KCNMA1: variants seen among roughly 807,000 people sequenced by gnomAD.
KCNMA1 encodes Calcium-activated potassium channel subunit alpha-1.
In KCNMA1, 29 loss-of-function variants were observed where a neutral mutation model predicts 140.0. The observed-to-expected ratio is 0.21, with a 90% confidence interval of 0.15 to 0.28. The LOEUF (loss-of-function observed/expected upper bound fraction) is 0.28. Ranked by LOEUF, KCNMA1 falls within the 10% of genes least tolerant of loss-of-function variation. The probability of loss-of-function intolerance (pLI) is 1.00; values close to 1 mark genes in which losing one functional copy is unlikely to be tolerated. For missense variants in KCNMA1, 880 were observed against 1,602.2 expected (o/e 0.55, Z 7.70); for synonymous variants, 612 against 611.9 (o/e 1.00, Z 0.00).
intron 1 of KCNMA1, among the ~76,000 whole-genome samples, chr10:77,595,791 G>C (rs2080758094): frequency 6.6e-6 from 1 of 152,144 alleles, no homozygotes; most frequent in African/African-American, 2.4e-5. Context: ...TGGGACTACA[G>C]GTGCGCGCCA....
chr10:76,915,371 A>G (rs1398570464), intron 23 of KCNMA1, among the ~76,000 whole-genome samples: 1 of 152,124 alleles, frequency 6.6e-6, no homozygotes, highest in Non-Finnish European at 1.5e-5. Flanking sequence ...CCTTGAAGTT[A>G]GGTATGGCCA....
At chr10:76,882,264 C>T (rs998236525), downstream of KCNMA1, among the ~76,000 whole-genome samples, 1 of 152,276 alleles carries the variant, frequency 6.6e-6, no homozygotes, top group Non-Finnish European at 1.5e-5. Flanking sequence ...ACAGCAAAAG[C>T]ATTTGGAATA....
intron 1 of KCNMA1, among the ~76,000 whole-genome samples, chr10:77,561,128 CT>C (rs5786297): frequency 0.54 from 81,640 of 150,314 alleles, 22,392 homozygotes; most frequent in South Asian, 0.72. Flanking sequence ...AAAAATACAA[CT>C]TTTTTTTTTT....
intron 5 of KCNMA1, among the ~76,000 whole-genome samples, chr10:77,131,824 G>T (rs771443187): frequency 4.6e-5 from 7 of 151,914 alleles, no homozygotes; most frequent in Non-Finnish European, 8.8e-5. Flanking sequence ...AATTAGCTGG[G>T]CATGGAGGCA....
chr10:77,630,286 G>T (rs1252521391), intron 1 of KCNMA1, among the ~76,000 whole-genome samples: 2 of 152,184 alleles, frequency 1.3e-5, no homozygotes, highest in Non-Finnish European at 2.9e-5. Context: ...TTTGCAAGGA[G>T]GTAGTTTGGC....
chr10:77,433,441 C>T (rs1010967020), intron 1 of KCNMA1: 1 of 152,246 alleles, frequency 6.6e-6, no homozygotes, highest in Non-Finnish European at 1.5e-5. Flanking sequence ...GCATGAGCCA[C>T]TGTGCCCAGC....
Position 77,245,464 on chromosome 10 carries a change from C to T in KCNMA1, c.602+5731G>A, listed in dbSNP as rs143995205. ...CACAGGAGAGGCAGTGGGTCTACAC[C>T]TGTGCCTAGTCAGTTTGAACAAGGC... On this transcript the variant is annotated intron_variant, in intron 3 of 27. Transcript: ENST00000286628. Among the ~76,000 whole-genome samples, 72 of 152,306 alleles carry T rather than the reference C, an allele frequency of 4.7e-4. 1 individual carries two copies. The East Asian group carries it at 0.012, about 25-fold the overall frequency.
intron 1 of KCNMA1, among the ~76,000 whole-genome samples, chr10:77,436,511 T>C (rs1043333760): frequency 6.6e-6 from 1 of 152,206 alleles, no homozygotes; most frequent in Non-Finnish European, 1.5e-5. Flanking sequence ...CTCTGCACCA[T>C]TGGTTCGCCA....
chr10:77,405,289 C>T (rs1384175808), intron 1 of KCNMA1, among the ~76,000 whole-genome samples: 1 of 152,192 alleles, frequency 6.6e-6, no homozygotes, highest in Non-Finnish European at 1.5e-5. Context: ...TTATTTTTCT[C>T]CATAGCACTT....
chr10:77,383,372 C>T (rs765978686), intron 2 of KCNMA1, among the ~76,000 whole-genome samples: 8 of 150,396 alleles, frequency 5.3e-5, no homozygotes, highest in Admixed American at 1.3e-4. Context: ...GGCCAGACTG[C>T]TGAAGAAGAG....
intron 5 of KCNMA1, among the ~76,000 whole-genome samples, chr10:77,135,052 A>G (rs2097972942): frequency 6.8e-6 from 1 of 147,706 alleles, no homozygotes; most frequent in Non-Finnish European, 1.5e-5. Context: ...AACGGAGTGA[A>G]GAGACAACCT....
chr10:76,974,903 G>C (rs1168425638), intron 19 of KCNMA1, among the ~76,000 whole-genome samples: 3 of 152,178 alleles, frequency 2.0e-5, no homozygotes, highest in Non-Finnish European at 4.4e-5. Flanking sequence ...AGCAGGATCA[G>C]ACCCATTCTT....
rs551597437 is a variant in KCNMA1, at chr10:77,359,482, G to A, written c.540+44380C>T. 2.6e-5 allele frequency among the ~76,000 whole-genome samples: 4 copies of A among 152,268 alleles called. No homozygotes were observed. The South Asian group carries it at 8.3e-4, about 32-fold the overall frequency. ...GCCTCAGCCCAACCAGAGCGGAGAGGTGCAGTTCTCTGGGAATAATCAGAA... is the reference window on the plus strand; with the variant it reads ...GCCTCAGCCCAACCAGAGCGGAGAGATGCAGTTCTCTGGGAATAATCAGAA... On this transcript the variant is annotated intron_variant, in intron 2 of 27. Transcript: ENST00000286628.
intron 2 of KCNMA1, among the ~76,000 whole-genome samples, chr10:77,390,376 T>C (rs968304768): frequency 3.9e-5 from 6 of 152,220 alleles, no homozygotes; most frequent in African/African-American, 1.4e-4. Flanking sequence ...ACACACAGCA[T>C]AGACCAAGGT....
intron 1 of KCNMA1, among the ~76,000 whole-genome samples, chr10:77,529,759 G>C (rs961875537): frequency 6.6e-6 from 1 of 152,072 alleles, no homozygotes; most frequent in Non-Finnish European, 1.5e-5. Flanking sequence ...CCCAAGCAGA[G>C]AGTGACCAGG....
intron 23 of KCNMA1, among the ~76,000 whole-genome samples, chr10:76,935,195 T>C (rs2060240404): frequency 6.6e-6 from 1 of 152,130 alleles, no homozygotes; most frequent in Non-Finnish European, 1.5e-5. Flanking sequence ...GCTCAAAAAA[T>C]GGGGATTCAC....
chr10:77,126,536 T>G (rs899082861), intron 5 of KCNMA1, among the ~76,000 whole-genome samples: 1 of 152,192 alleles, frequency 6.6e-6, no homozygotes, highest in Non-Finnish European at 1.5e-5. Context: ...ATAAAAGACA[T>G]GAGCTATAGC....
chr10:76,991,523 A>G (rs1458743079), intron 19 of KCNMA1, among the ~76,000 whole-genome samples: 1 of 152,142 alleles, frequency 6.6e-6, no homozygotes, highest in African/African-American at 2.4e-5. Context: ...TATATATACT[A>G]TATAGTAAGT....
At chr10:77,151,424 C>T (rs1482836927) in intron 5 of KCNMA1, among the ~76,000 whole-genome samples, 1 of 152,080 alleles carries the variant, frequency 6.6e-6, no homozygotes, top group African/African-American at 2.4e-5. Flanking sequence ...GATGGAGTTT[C>T]ACCATGTTGG....
Sources: allele counts gnomAD v4.1 joint callset (sites outside exome capture counted in the v4.1 genomes callset), GRCh38; gene constraint gnomAD v4.1.1; transcripts MANE v1.5; gene names NCBI Gene and HGNC (gene_info 2026-07-23, HGNC 2026-07-21).